KMO: variants seen among roughly 807,000 people sequenced by gnomAD.
KMO encodes kynurenine 3-hydroxylase.
A neutral mutation model predicts 57.8 loss-of-function variants in KMO; 24 were observed. The ratio of observed to expected loss-of-function variants is 0.42; its 90% CI spans 0.30 to 0.58. KMO has a LOEUF of 0.58. Among genes scored for constraint, KMO ranks in the 20% least tolerant of loss-of-function variants. KMO has a pLI of 0.22. For synonymous variants in KMO, 210 were observed against 193.6 expected (o/e 1.08, Z -0.70); for missense variants, 483 against 588.2 (o/e 0.82, Z 1.85).
chr1:241,569,815 G>A lies in KMO; in HGVS notation c.957+1168G>A, dbSNP rs528755938. On this transcript the variant is annotated intron_variant, in intron 10 of 14. Transcript: ENST00000366559. ...TCTGTCCACATTCTCACCAGCATTCGTTATCACTTGTCTTTCAGATCAAAG... is the reference window on the plus strand; with the variant it reads ...TCTGTCCACATTCTCACCAGCATTCATTATCACTTGTCTTTCAGATCAAAG... Among the ~76,000 whole-genome samples, 35 of 152,076 alleles carry A rather than the reference G, an allele frequency of 2.3e-4. No homozygotes were observed. The South Asian group carries it at 4.6e-3, about 20-fold the overall frequency.
At chr1:241,586,925 A>C (rs1181081350) in intron 11 of KMO, among the ~76,000 whole-genome samples, 189 bp downstream of exon 11, 1 of 152,200 alleles carries the variant, frequency 6.6e-6, no homozygotes, top group Non-Finnish European at 1.5e-5. Context: ...CAGAAAAAGA[A>C]ACATAGTTTC....
At chr1:241,543,134 A>G (rs890575922) in intron 1 of KMO, among the ~76,000 whole-genome samples, 1 of 152,180 alleles carries the variant, frequency 6.6e-6, no homozygotes, top group Non-Finnish European at 1.5e-5. Context: ...TAATAATAAC[A>G]ATAAGCGGCC....
At chr1:241,551,938 T>C (rs1661407335) in intron 4 of KMO, among the ~76,000 whole-genome samples, 1 of 152,178 alleles carries the variant, frequency 6.6e-6, no homozygotes, top group Non-Finnish European at 1.5e-5. Flanking sequence ...TGTTTACTTC[T>C]TTCACTGAGT....
intron 2 of KMO, among the ~76,000 whole-genome samples, chr1:241,549,206 A>AAGGAAGGAAGG (rs1558414739): frequency 7.7e-4 from 12 of 15,490 alleles, no homozygotes; most frequent in African/African-American, 1.8e-3. Flanking sequence ...GAAAAGGAAG[A>AAGGAAGGAAGG]AAGAAAGAAA....
In KMO at chr1:241,592,355, C is replaced by G. The variant is rs1242176517; in HGVS notation, c.*202C>G. On this transcript the variant is annotated 3_prime_UTR_variant, in exon 15 of 15. Coordinates refer to ENST00000366559, the MANE Select transcript of KMO (RefSeq NM_003679.5). Reference sequence around the variant, plus strand: ...TTAAAAGATGAAACATGCAGCTTCCCTACATTACACACACTCAGGTTGAGT... The same window carrying G: ...TTAAAAGATGAAACATGCAGCTTCCGTACATTACACACACTCAGGTTGAGT... 157 of 575,296 alleles carry G rather than the reference C, an allele frequency of 2.7e-4. 1 individual carries two copies. The East Asian group carries it at 4.6e-3, about 17-fold the overall frequency. 35.6% of individuals were successfully genotyped at this position (575,296 alleles called of 1,614,324 possible). A position where few individuals can be genotyped will look rare whatever the true frequency, so the allele number is the denominator to read the frequency against.
At chr1:241,535,376 C>T (rs1660721660) in intron 1 of KMO, among the ~76,000 whole-genome samples, 2 of 152,010 alleles carry the variant, frequency 1.3e-5, no homozygotes, top group African/African-American at 4.8e-5. Context: ...AGTTGAGAAC[C>T]TTTACTTAGA....
intron 10 of KMO, among the ~76,000 whole-genome samples, chr1:241,577,926 G>A (rs954283745): frequency 6.6e-6 from 1 of 152,112 alleles, no homozygotes; most frequent in Non-Finnish European, 1.5e-5. Flanking sequence ...CCCCTGCCAG[G>A]CCAACTGGAA....
intron 10 of KMO, among the ~76,000 whole-genome samples, chr1:241,571,522 T>G (rs954190573): frequency 4.6e-5 from 7 of 152,210 alleles, no homozygotes; most frequent in African/African-American, 1.7e-4. Context: ...AGAATGCTTT[T>G]TCAGCATCAA....
chr1:241,594,922 T>C lies in KMO; in HGVS notation c.*2769T>C, dbSNP rs960860987. On this transcript the variant is annotated 3_prime_UTR_variant, in exon 15 of 15. Transcript: ENST00000366559. Reference sequence around the variant, plus strand: ...AATATGTAGGACCATTTCAATACCTTGTAATCCTCCAAGCTTCAATCTGCA... The same window carrying C: ...AATATGTAGGACCATTTCAATACCTCGTAATCCTCCAAGCTTCAATCTGCA... 1 of 477,030 alleles carries C rather than the reference T, an allele frequency of 2.1e-6. No homozygotes were observed. The highest frequency in any genetic ancestry group is 3.5e-5 in the East Asian group (1 of 28,516). The allele number at this position is 477,030 out of a possible 1,614,324, so 29.5% of individuals were successfully genotyped here.
At chr1:241,572,043 T>A (rs1276134984) in intron 10 of KMO, among the ~76,000 whole-genome samples, 1 of 151,886 alleles carries the variant, frequency 6.6e-6, no homozygotes, top group East Asian at 1.9e-4. Context: ...ATTTTTGGAT[T>A]TTTAGTAGAG....
intron 10 of KMO, among the ~76,000 whole-genome samples, chr1:241,585,782 A>C (rs1025993069): frequency 1.3e-4 from 20 of 151,430 alleles, no homozygotes; most frequent in Admixed American, 8.6e-4. Flanking sequence ...AAAAAAAAAA[A>C]CCAAAAAGAA....
chr1:241,566,414 T>G, intron 8 of KMO, 77 bp from the exon 9 acceptor site: 1 of 1,484,834 alleles, frequency 6.7e-7, no homozygotes, highest in Non-Finnish European at 9.1e-7. Context: ...CAAGAAGTCT[T>G]GTGATTTCAG....
At chr1:241,590,334 T>G in intron 14 of KMO, 71 bp downstream of exon 14, 1 of 1,232,542 alleles carries the variant, frequency 8.1e-7, no homozygotes, top group Non-Finnish European at 1.2e-6. Flanking sequence ...TGATTATGTT[T>G]GTTTCCAACA....
At chr1:241,544,943 G>T (rs1366910649) in intron 1 of KMO, among the ~76,000 whole-genome samples, 1 of 152,134 alleles carries the variant, frequency 6.6e-6, no homozygotes, top group African/African-American at 2.4e-5. Context: ...ATACTCAAAA[G>T]TGGTTCATTA....
rs142291823 is a variant in KMO, at chr1:241,566,555, A to G, written c.752A>G (p.Asn251Ser). ...FEEFEKLLTSNDVVDFFQKYF... is the reference protein window; with the variant it reads ...FEEFEKLLTSSDVVDFFQKYF... ...GAGTTTGAAAAACTTCTAACCAGTA[A>G]TGATGTGGTAGATTTCTTCCAGAAA... The change falls in exon 9 of 15, where the codon AAT becomes AGT. Residue 251 changes from asparagine (N) to serine (S), a missense_variant. Coordinates refer to ENST00000366559, the MANE Select transcript of KMO (RefSeq NM_003679.5). The G allele has an allele frequency of 9.4e-4, 1,517 of 1,613,702 alleles. 1 individual carries two copies. The highest frequency in any genetic ancestry group is 1.2e-3 in the Non-Finnish European group (1,440 of 1,179,624).
chr1:241,533,127 A>G (rs1660633660), intron 1 of KMO, among the ~76,000 whole-genome samples: 1 of 152,254 alleles, frequency 6.6e-6, no homozygotes, highest in Admixed American at 6.5e-5. Context: ...AACAAGACGG[A>G]AGGAGAGGTC....
intron 10 of KMO, among the ~76,000 whole-genome samples, chr1:241,578,784 C>T: frequency 6.6e-6 from 1 of 151,952 alleles, no homozygotes; most frequent in East Asian, 1.9e-4. Context: ...AAAGACATAC[C>T]CAAGATTGGG....
intron 1 of KMO, among the ~76,000 whole-genome samples, chr1:241,540,046 CTT>C (rs993678446): frequency 6.6e-6 from 1 of 152,142 alleles, no homozygotes; most frequent in African/African-American, 2.4e-5. Context: ...TTAGAGTACA[CTT>C]TTCATTTTTT....
chr1:241,537,358 C>T (rs10926510), intron 1 of KMO, among the ~76,000 whole-genome samples: 9,651 of 152,166 alleles, frequency 0.063, 478 homozygotes, highest in East Asian at 0.14. Context: ...GGCTTATAAT[C>T]CTGGGTTGAG....
Sources: gnomAD v4.1 joint callset for allele counts (sites outside exome capture counted in the v4.1 genomes callset) on GRCh38, gnomAD v4.1.1 for gene constraint, MANE v1.5 for transcripts, NCBI Gene and HGNC (gene_info 2026-07-23, HGNC 2026-07-21) for gene names.